Variants in MYCBP2 observed in about 807,000 individuals in gnomAD.
MYCBP2 encodes MYC binding protein 2.
A neutral mutation model predicts 525.3 loss-of-function variants in MYCBP2; 120 were observed. The ratio of observed to expected loss-of-function variants is 0.23; its 90% CI spans 0.20 to 0.27. The LOEUF is 0.27. Ranked by LOEUF, MYCBP2 falls within the 10% of genes least tolerant of loss-of-function variation. The probability of loss-of-function intolerance (pLI) is 1.00; values close to 1 mark genes in which losing one functional copy is unlikely to be tolerated. For missense variants in MYCBP2, 4,149 were observed against 5,657.1 expected (o/e 0.73, Z 8.55); for synonymous variants, 1,894 against 1,955.8 (o/e 0.97, Z 0.83).
chr13:77,094,129 A>G (rs1189533409), intron 58 of MYCBP2, among the ~76,000 whole-genome samples: 1 of 152,166 alleles, frequency 6.6e-6, no homozygotes, highest in Non-Finnish European at 1.5e-5. Flanking sequence ...TGTAATAGTA[A>G]GCACAAAATT....
chr13:77,117,371 A>T (rs1360901733), intron 55 of MYCBP2, among the ~76,000 whole-genome samples: 2 of 152,050 alleles, frequency 1.3e-5, no homozygotes, highest in African/African-American at 4.8e-5. Context: ...AACCCAGAAA[A>T]GTTTATACTC....
chr13:77,102,411 CTT>C (rs1228196358), intron 55 of MYCBP2, among the ~76,000 whole-genome samples: 2 of 151,440 alleles, frequency 1.3e-5, no homozygotes, highest in African/African-American at 4.8e-5. Context: ...AGTTGAAAAA[CTT>C]ATACAATATG....
rs1005933941 is a variant in MYCBP2 at position 77,156,100 on chromosome 13, T to C, written c.6873A>G (p.Thr2291=). The C allele has an allele frequency of 6.2e-7, 1 of 1,613,920 alleles. No individual in the cohort carries two copies. The highest frequency in any genetic ancestry group is 8.5e-7 in the Non-Finnish European group (1 of 1,179,948). Residue 2291 remains threonine, a synonymous_variant, in exon 46 of 83, where the codon ACA becomes ACG. Transcript: ENST00000544440. ...GTACCACATCCCCATACTGGTCTTTTGTTTGAACAGTTATGGTGGTAGGCC... is the reference window on the plus strand; with the variant it reads ...GTACCACATCCCCATACTGGTCTTTCGTTTGAACAGTTATGGTGGTAGGCC... ...CGWPTTITVQ[T]KDQYGDVVHV...
In MYCBP2 at chr13:77,067,607, A is replaced by G. The variant is rs765101569; in HGVS notation, c.12429T>C (p.Val4143=). The change falls in exon 71 of 83, where the codon GTT becomes GTC. Residue 4143 remains valine (V), a synonymous_variant. Coordinates refer to ENST00000544440, the MANE Select transcript of MYCBP2 (RefSeq NM_015057.5). ...GTTVGKGVTT[V]TLPMIFNSSY... is the part of the protein sequence containing the mutation. Reference sequence around the variant, plus strand: ...TGGAATTGAAAATCATCGGAAGAGTAACTGTTGTAACTCCTTTGCCCACAG... The same window carrying G: ...TGGAATTGAAAATCATCGGAAGAGTGACTGTTGTAACTCCTTTGCCCACAG... 2 of 1,614,124 alleles carry G rather than the reference A, an allele frequency of 1.2e-6. No individual in the cohort carries two copies. The highest frequency in any genetic ancestry group is 1.7e-5 in the Admixed American group (1 of 60,018).
chr13:77,130,769 T>C (rs1279963506), intron 52 of MYCBP2, among the ~76,000 whole-genome samples: 4 of 152,154 alleles, frequency 2.6e-5, no homozygotes, highest in African/African-American at 4.8e-5. Context: ...CTTTTTGACA[T>C]AAAACAATAT....
rs1014312109 is a variant in MYCBP2 at position 77,256,219 on chromosome 13, T to A, written c.2176+1452A>T. ...AGGTTAAATTACAGGTAGCATGTGC[T>A]GTTAAATGGGAAGATAATATACGCC... is the stretch of plus-strand genomic sequence containing the variant. On this transcript the variant is annotated intron_variant, in intron 14 of 82. Coordinates refer to ENST00000544440, the MANE Select transcript of MYCBP2 (RefSeq NM_015057.5). Among the ~76,000 whole-genome samples, 5 of 152,120 alleles carry A rather than the reference T, an allele frequency of 3.3e-5. No homozygotes were observed. In the East Asian group the frequency reaches 9.6e-4, roughly 29 times the overall value.
At chr13:77,146,948 T>C (rs990220669) in intron 47 of MYCBP2, among the ~76,000 whole-genome samples, 3 of 152,128 alleles carry the variant, frequency 2.0e-5, no homozygotes, top group South Asian at 2.1e-4. Flanking sequence ...AAATACAGAA[T>C]GTTTATTTCA....
intron 1 of MYCBP2, among the ~76,000 whole-genome samples, chr13:77,306,066 A>G (rs1046664730): frequency 6.6e-6 from 1 of 152,212 alleles, no homozygotes; most frequent in African/African-American, 2.4e-5. Flanking sequence ...AAAAGTCATA[A>G]TGGTTAAAAA....
intron 54 of MYCBP2, among the ~76,000 whole-genome samples, chr13:77,125,041 G>T (rs879552605): frequency 9.2e-5 from 14 of 152,108 alleles, no homozygotes; most frequent in Non-Finnish European, 1.9e-4. Context: ...TTCAGTCCTG[G>T]ACTGGTACAG....
intron 55 of MYCBP2, among the ~76,000 whole-genome samples, chr13:77,110,305 T>C (rs1053868998): frequency 1.3e-5 from 2 of 152,134 alleles, no homozygotes; most frequent in Non-Finnish European, 2.9e-5. Context: ...TCTTATTCGG[T>C]TGAGATAAGG....
chr13:77,153,050 G>GC (rs1223911077), intron 46 of MYCBP2, among the ~76,000 whole-genome samples: 1 of 131,710 alleles, frequency 7.6e-6, no homozygotes, highest in Non-Finnish European at 1.6e-5. Flanking sequence ...GGGCGACAGA[G>GC]CGAGACTCTG....
chr13:77,300,475 CT>C (rs1467459128), intron 1 of MYCBP2, among the ~76,000 whole-genome samples: 2 of 152,088 alleles, frequency 1.3e-5, no homozygotes, highest in East Asian at 3.9e-4. Flanking sequence ...TCTTTTCAAC[CT>C]TTTAAAAATG....
intron 20 of MYCBP2, among the ~76,000 whole-genome samples, chr13:77,220,237 A>C (rs2065358734): frequency 6.6e-6 from 1 of 152,160 alleles, no homozygotes. Context: ...TAGGAAATAA[A>C]GTTAAAAAAA....
chr13:77,257,115 G>A (rs2072368932), intron 14 of MYCBP2, among the ~76,000 whole-genome samples: 1 of 152,066 alleles, frequency 6.6e-6, no homozygotes, highest in Non-Finnish European at 1.5e-5. Context: ...ATTATGTTAA[G>A]TGAAAGAAGC....
At chr13:77,163,040 T>G (rs1420422809) in intron 43 of MYCBP2, among the ~76,000 whole-genome samples, 1 of 152,176 alleles carries the variant, frequency 6.6e-6, no homozygotes, top group Non-Finnish European at 1.5e-5. Context: ...CTTGTTAGGC[T>G]GTATAGGTCT....
chr13:77,145,419 T>C (rs938663248), intron 48 of MYCBP2, among the ~76,000 whole-genome samples: 1 of 152,232 alleles, frequency 6.6e-6, no homozygotes, highest in Non-Finnish European at 1.5e-5. Context: ...ATTTAAGGAA[T>C]GCCCCAGGAT....
intron 1 of MYCBP2, among the ~76,000 whole-genome samples, chr13:77,307,798 T>A (rs898252008): frequency 1.4e-4 from 21 of 152,104 alleles, no homozygotes; most frequent in African/African-American, 4.8e-4. Flanking sequence ...ATACGATAAC[T>A]ACCAAACAGT....
At chr13:77,179,395 A>ATT (rs2060008414) in intron 34 of MYCBP2, among the ~76,000 whole-genome samples, 2 of 152,212 alleles carry the variant, frequency 1.3e-5, no homozygotes, top group Non-Finnish European at 1.5e-5. Flanking sequence ...AAACAGAAAC[A>ATT]TTCCCCAAAT....
At chr13:77,165,068 G>C (rs911391713) in intron 42 of MYCBP2, among the ~76,000 whole-genome samples, 4 of 152,004 alleles carry the variant, frequency 2.6e-5, no homozygotes, top group African/African-American at 9.7e-5. Flanking sequence ...AAAGGATTTC[G>C]ATATATTGCC....
Sources: allele counts gnomAD v4.1 joint callset (sites outside exome capture counted in the v4.1 genomes callset), GRCh38; gene constraint gnomAD v4.1.1; transcripts MANE v1.5; gene names NCBI Gene and HGNC (gene_info 2026-07-23, HGNC 2026-07-21).